Variants in PEDS1 observed in about 807,000 individuals in gnomAD.
PEDS1 encodes CarF homolog.
In PEDS1, 14 loss-of-function variants were observed where a neutral mutation model predicts 35.2. The observed-to-expected ratio is 0.40, with a 90% CI of 0.26 to 0.62. The LOEUF (loss-of-function observed/expected upper bound fraction) is 0.62. Ranked by LOEUF, PEDS1 falls within the 20% of genes least tolerant of loss-of-function variation. The probability of loss-of-function intolerance (pLI) is 0.44; values close to 1 mark genes in which losing one functional copy is unlikely to be tolerated. For synonymous variants in PEDS1, 152 were observed against 152.0 expected (o/e 1.00, Z 0.00); for missense variants, 260 against 367.8 (o/e 0.71, Z 2.40).
intron 2 of PEDS1, among the ~76,000 whole-genome samples, chr20:50,140,240 C>T (rs1032047546): frequency 6.6e-6 from 1 of 152,280 alleles, no homozygotes; most frequent in Non-Finnish European, 1.5e-5. Flanking sequence ...CCACCCAGGT[C>T]TGGGCCACCC....
intron 2 of PEDS1, among the ~76,000 whole-genome samples, chr20:50,132,369 C>T (rs1435271626): frequency 6.6e-6 from 1 of 152,148 alleles, no homozygotes; most frequent in Non-Finnish European, 1.5e-5. Context: ...GGCTTCCACC[C>T]CTGCTGCCTC....
intron 5 of PEDS1, among the ~76,000 whole-genome samples, chr20:50,125,592 C>CT (rs1275584542): frequency 7.1e-6 from 1 of 141,040 alleles, no homozygotes; most frequent in African/African-American, 2.6e-5. Context: ...ATCTATCTAT[C>CT]ATTTATCTAT....
At chr20:50,143,822 C>A in intron 1 of PEDS1, among the ~76,000 whole-genome samples, 1 of 151,996 alleles carries the variant, frequency 6.6e-6, no homozygotes, top group Non-Finnish European at 1.5e-5. Flanking sequence ...CTCAGCCTCC[C>A]GAGTAGCTGG....
chr20:50,130,766 G>A (rs2081169694), intron 3 of PEDS1, 90 bp downstream of exon 3: 1 of 1,505,186 alleles, frequency 6.6e-7, no homozygotes, highest in African/African-American at 1.4e-5. Context: ...CTTTCAGATA[G>A]GGAAACAGTC....
chr20:50,125,333 G>A (rs1185033571), intron 5 of PEDS1, among the ~76,000 whole-genome samples, 154 bp from the exon 6 acceptor site: 8 of 152,154 alleles, frequency 5.3e-5, no homozygotes, highest in Non-Finnish European at 1.2e-4. Flanking sequence ...GGAAGTGGGG[G>A]CCTCCCACCA....
rs997775182 is a variant in PEDS1, at chr20:50,153,548, C to A, written c.90G>T (p.Gly30=). 25 of 1,433,040 alleles carry A rather than the reference C, an allele frequency of 1.7e-5. No individual in the cohort carries two copies. Among genetic ancestry groups the A allele is most frequent in the Middle Eastern group, 1.8e-4 (1 of 5,536 alleles). The allele number at this position is 1,433,040 out of a possible 1,614,324, so 88.8% of individuals were successfully genotyped here. A position where few individuals can be genotyped will look rare whatever the true frequency, so the allele number is the denominator to read the frequency against. ...SCCRWGAQHA[G]ARELAALYSP... ...AGTAGAGCGCAGCCAGCTCGCGGGC[C>A]CCGGCGTGCTGCGCGCCCCAGCGGC... Residue 30 remains glycine (G), a synonymous_variant, in exon 1 of 6, where the codon GGG becomes GGT. Coordinates refer to ENST00000371652, the MANE Select transcript of PEDS1 (RefSeq NM_199129.4).
At chr20:50,133,796 T>C (rs1488519130) in intron 2 of PEDS1, among the ~76,000 whole-genome samples, 1 of 152,232 alleles carries the variant, frequency 6.6e-6, no homozygotes, top group Non-Finnish European at 1.5e-5. Flanking sequence ...TGTCATCCCC[T>C]GAGATGGCCT....
Position 50,141,567 on chromosome 20 carries a change from T to C in PEDS1, c.241+1935A>G, listed in dbSNP as rs552690906. Among the ~76,000 whole-genome samples the C allele has an allele frequency of 3.9e-5, 6 of 152,346 alleles. No homozygotes were observed. The South Asian group carries it at 1.2e-3, about 32-fold the overall frequency. ...TGGTAAATGAGGCTGAGAGATGCAA[T>C]GTGGCCCAAGGCCACAGAGCCAGGA... On this transcript the variant is annotated intron_variant, in intron 2 of 5. Coordinates refer to ENST00000371652, the MANE Select transcript of PEDS1 (RefSeq NM_199129.4).
intron 1 of PEDS1, among the ~76,000 whole-genome samples, chr20:50,149,862 G>A (rs926074213): frequency 3.9e-5 from 6 of 152,150 alleles, no homozygotes; most frequent in East Asian, 1.9e-4. Flanking sequence ...GCCCAGTCCC[G>A]GGTTCCAGGC....
In PEDS1 at chr20:50,120,473, T is replaced by A. The variant is rs1297982626; in HGVS notation, c.*4585A>T. The A allele has an allele frequency of 7.2e-6, 1 of 138,772 alleles. No individual in the cohort carries two copies. Among genetic ancestry groups the A allele is most frequent in the Non-Finnish European group, 1.6e-5 (1 of 64,296 alleles). The allele number at this position is 138,772 out of a possible 1,614,324, so 8.6% of individuals were successfully genotyped here. A position where few individuals can be genotyped will look rare whatever the true frequency, so the allele number is the denominator to read the frequency against. On this transcript the variant is annotated 3_prime_UTR_variant, in exon 6 of 6. Coordinates refer to ENST00000371652, the MANE Select transcript of PEDS1 (RefSeq NM_199129.4). ...TACCTATTGCTTATATAGCAATATA[T>A]ATATTGCTATATATATATATATACC...
At chr20:50,139,345 C>A (rs780331325) in intron 2 of PEDS1, among the ~76,000 whole-genome samples, 1 of 152,180 alleles carries the variant, frequency 6.6e-6, no homozygotes, top group African/African-American at 2.4e-5. Flanking sequence ...CTCACGACAA[C>A]GATGTGCGTG....
Position 50,153,446 on chromosome 20 carries a change from T to A in PEDS1, c.121+71A>T. 2.4e-6 allele frequency: 3 copies of A among 1,251,678 alleles called. No homozygotes were observed. The South Asian group carries it at 8.5e-5, about 36-fold the overall frequency. The allele number at this position is 1,251,678 out of a possible 1,614,324, so 77.5% of individuals were successfully genotyped here. On this transcript the variant is annotated intron_variant, in intron 1 of 5. Coordinates refer to ENST00000371652, the MANE Select transcript of PEDS1 (RefSeq NM_199129.4). Reference sequence around the variant, plus strand: ...CCGCATCTGGGCCCGAGGTTGGGACTCCAGTCTGGGGTCGCTGTCCGCAGC... The same window carrying A: ...CCGCATCTGGGCCCGAGGTTGGGACACCAGTCTGGGGTCGCTGTCCGCAGC...
In PEDS1 at chr20:50,122,027, T is replaced by G. The variant is rs1024984181; in HGVS notation, c.*3031A>C. Reference sequence around the variant, plus strand: ...TCACCCCACTGGCCAATGTGATTGGTTCAGGGATGGGCACGTGACCCAGTC... The same window carrying G: ...TCACCCCACTGGCCAATGTGATTGGGTCAGGGATGGGCACGTGACCCAGTC... On this transcript the variant is annotated 3_prime_UTR_variant, in exon 6 of 6. Transcript: ENST00000371652. 1.2e-4 allele frequency: 19 copies of G among 152,212 alleles called. No individual in the cohort carries two copies. Among genetic ancestry groups the G allele is most frequent in the African/African-American group, 4.6e-4 (19 of 41,438 alleles). 9.4% of individuals were successfully genotyped at this position (152,212 alleles called of 1,614,324 possible).
At position 50,143,571 on chromosome 20, in the gene PEDS1, C is replaced by T. The variant is rs146935829; in HGVS notation, c.172G>A (p.Ala58Thr). The T allele has an allele frequency of 2.0e-4, 328 of 1,613,868 alleles. 1 individual carries two copies. The highest frequency in any genetic ancestry group is 1.5e-3 in the African/African-American group (109 of 74,968). ...CSVILCFSLI[A>T]HNLVHLLLLA... ...AGCAGGAGATGGACCAGGTTGTGGG[C>T]GATGAGGCTGAAGCACAGGATCACA... is the stretch of plus-strand genomic sequence containing the variant. The change falls in exon 2 of 6, where the codon GCC becomes ACC. Residue 58 changes from alanine to threonine, a missense_variant. Transcript: ENST00000371652.
At chr20:50,152,532 G>T (rs1036433066) in intron 1 of PEDS1, among the ~76,000 whole-genome samples, 1 of 151,646 alleles carries the variant, frequency 6.6e-6, no homozygotes, top group African/African-American at 2.4e-5. Context: ...AATTCCTAGG[G>T]CTCACGTAGG....
chr20:50,130,887 C>T lies in PEDS1; in HGVS notation c.302G>A (p.Trp101Ter). Residue 101 changes from tryptophan to a stop codon, truncating the protein, a stop_gained, in exon 3 of 6, where the codon TGG (tryptophan) becomes TAG (stop). Transcript: ENST00000371652. LOFTEE classifies it high-confidence loss of function. Reference protein sequence around the residue: ...SGLVHWGADTWGSVELPIVGK... With the variant: ...SGLVHWGADT ...CACAATGGGCAGCTCCACAGAGCCC[C>T]ATGTGTCAGCACCCCAGTGTACCAG... The T allele has an allele frequency of 6.2e-7, 1 of 1,614,218 alleles. No homozygotes were observed. The highest frequency in any genetic ancestry group is 8.5e-7 in the Non-Finnish European group (1 of 1,180,044).
rs556586601 is a variant in PEDS1, at chr20:50,121,752, G to A, written c.*3306C>T. 1.3e-5 allele frequency: 2 copies of A among 152,144 alleles called. No individual in the cohort carries two copies. The highest frequency in any genetic ancestry group is 2.9e-5 in the Non-Finnish European group (2 of 68,062). 9.4% of individuals were successfully genotyped at this position (152,144 alleles called of 1,614,324 possible). On this transcript the variant is annotated 3_prime_UTR_variant, in exon 6 of 6. Coordinates refer to ENST00000371652, the MANE Select transcript of PEDS1 (RefSeq NM_199129.4). ...TACCCTTACTACCTGTGGGACCTTG[G>A]GGGAGTCACTTTACCTCTCTGGACT... is the stretch of plus-strand genomic sequence containing the variant.
rs2081027227 is a variant in PEDS1 at position 50,118,795 on chromosome 20, T to G, written c.*6263A>C. ...CCACCACACCCAGCTAATTATTTCT[T>G]TTGTATTTTTGGTAGAGACGGGGTT... On this transcript the variant is annotated 3_prime_UTR_variant, in exon 6 of 6. Transcript: ENST00000371652. 1 of 151,990 alleles carries G rather than the reference T, an allele frequency of 6.6e-6. No individual in the cohort carries two copies. The highest frequency in any genetic ancestry group is 2.1e-4 in the South Asian group (1 of 4,812). 9.4% of individuals were successfully genotyped at this position (151,990 alleles called of 1,614,324 possible). A position where few individuals can be genotyped will look rare whatever the true frequency, so the allele number is the denominator to read the frequency against.
rs546582746 is a variant in PEDS1, at chr20:50,143,434, G to A, written c.241+68C>T. The A allele has an allele frequency of 2.2e-5, 34 of 1,554,288 alleles. 1 individual carries two copies. The South Asian group carries it at 3.6e-4, about 16-fold the overall frequency. ...TCCATGCATGTGGACACACACACGC[G>A]CCAGTTACCCGGTGGGTCCCTGGCC... On this transcript the variant is annotated intron_variant, in intron 2 of 5. Transcript: ENST00000371652.
Sources: allele counts gnomAD v4.1 joint callset (sites outside exome capture counted in the v4.1 genomes callset), GRCh38; gene constraint gnomAD v4.1.1; transcripts MANE v1.5; gene names NCBI Gene and HGNC (gene_info 2026-07-23, HGNC 2026-07-21).